The following WDR20 variants were observed in gnomAD, a reference collection of about 807,000 sequenced individuals.
WDR20 encodes the protein WD repeat domain 20.
Under a neutral mutation model 38.7 loss-of-function variants are expected in WDR20, and 3 were observed. The observed-to-expected ratio is 0.08, with a 90% confidence interval of 0.04 to 0.20. The LOEUF (loss-of-function observed/expected upper bound fraction) is 0.20, where lower values mean the gene tolerates loss of function less well. WDR20 is among the 10% of genes least tolerant of loss of function. The pLI, the probability that WDR20 is intolerant of heterozygous loss-of-function variation, is 1.00. For missense variants in WDR20, 559 were observed against 727.7 expected (o/e 0.77, Z 2.67); for synonymous variants, 298 against 285.6 (o/e 1.04, Z -0.44).
intron 1 of WDR20, among the ~76,000 whole-genome samples, chr14:102,163,642 A>AAAAAAT (rs2059212377): frequency 6.6e-6 from 1 of 151,354 alleles, no homozygotes; most frequent in Non-Finnish European, 1.5e-5. Context: ...AAAAAAAAAA[A>AAAAAAT]AAAAAAAATT....
At chr14:102,196,397 A>G (rs2059413125) in intron 2 of WDR20, among the ~76,000 whole-genome samples, 2 of 152,150 alleles carry the variant, frequency 1.3e-5, no homozygotes, top group Non-Finnish European at 2.9e-5. Flanking sequence ...AGTGATTTCT[A>G]AGTAGCTGGA....
chr14:102,194,796 G>C (rs1481086179), intron 1 of WDR20, 142 bp from the exon 2 acceptor site: 2 of 840,866 alleles, frequency 2.4e-6, no homozygotes, highest in Non-Finnish European at 3.7e-6. Flanking sequence ...AATGTTAGAT[G>C]ATGTTAAGTC....
intron 1 of WDR20, among the ~76,000 whole-genome samples, chr14:102,156,604 G>A (rs1040653057): frequency 6.6e-6 from 1 of 151,862 alleles, no homozygotes; most frequent in Non-Finnish European, 1.5e-5. Context: ...GACTTCCTGG[G>A]CTCAAGTGAC....
intron 1 of WDR20, among the ~76,000 whole-genome samples, chr14:102,175,658 A>G (rs2061898053): frequency 6.6e-6 from 1 of 152,190 alleles, no homozygotes; most frequent in African/African-American, 2.4e-5. Context: ...GGTCATTTTC[A>G]CAATACTGAT....
intron 1 of WDR20, among the ~76,000 whole-genome samples, chr14:102,150,946 A>G (rs978797348): frequency 6.6e-6 from 1 of 152,146 alleles, no homozygotes. Context: ...CATTTATTGG[A>G]CCTGTGGATC....
At chr14:102,204,806 G>A (rs150861457) in intron 2 of WDR20, among the ~76,000 whole-genome samples, 18 of 152,350 alleles carry the variant, frequency 1.2e-4, no homozygotes, top group Middle Eastern at 3.4e-3. Context: ...TGAAAAGTGC[G>A]TGTGTGCAAG....
chr14:102,205,224 G>A (rs532692396), intron 2 of WDR20, among the ~76,000 whole-genome samples: 2 of 150,904 alleles, frequency 1.3e-5, no homozygotes, highest in African/African-American at 4.9e-5. Context: ...TTGCACCACT[G>A]CACTCCAACC....
chr14:102,172,706 G>C, intron 1 of WDR20, among the ~76,000 whole-genome samples: 1 of 140,872 alleles, frequency 7.1e-6, no homozygotes, highest in African/African-American at 2.9e-5. Context: ...CTGGCCTGGC[G>C]GGGGCTGACC....
downstream of WDR20, chr14:102,212,940 C>T: frequency 9.6e-7 from 1 of 1,043,052 alleles, no homozygotes; most frequent in Non-Finnish European, 1.2e-6. Flanking sequence ...CATCACTGTT[C>T]CAGCGTGTAC....
At chr14:102,165,825 A>G (rs2059659075) in intron 1 of WDR20, among the ~76,000 whole-genome samples, 3 of 150,920 alleles carry the variant, frequency 2.0e-5, no homozygotes, top group Non-Finnish European at 4.4e-5. Context: ...TTTTTAGTAG[A>G]GACAGGGTTT....
downstream of WDR20, among the ~76,000 whole-genome samples, chr14:102,216,127 C>T (rs886888453): frequency 1.3e-5 from 2 of 152,210 alleles, no homozygotes; most frequent in Non-Finnish European, 2.9e-5. Context: ...AAGCTTCCCA[C>T]GGTGCTGTCT....
chr14:102,222,378 G>GCCACTGAACTCTAT lies in WDR20; in HGVS notation c.1693-449_1693-436dup, dbSNP rs2063996142. Among the ~76,000 whole-genome samples the GCCACTGAACTCTAT allele has an allele frequency of 6.6e-6, 1 of 152,242 alleles. No individual in the cohort carries two copies. The highest frequency in any genetic ancestry group is 2.1e-4 in the South Asian group (1 of 4,834). On this transcript the variant is annotated intron_variant, in intron 3 of 3. Coordinates refer to the WDR20 transcript ENST00000335263. This position sits in a 1 kb window ranked among gnomAD's most constrained non-coding sequence, Gnocchi z 4.4. Reference sequence around the variant, plus strand: ...CAGCAGAGAATGCCCTTTCAAAGGTGCCACTGAACTCTATCCTTGGAGACA... The same window carrying GCCACTGAACTCTAT: ...CAGCAGAGAATGCCCTTTCAAAGGTGCCACTGAACTCTATCCACTGAACTCTATCCTTGGAGACA...
chr14:102,156,345 T>G (rs1291154469), intron 1 of WDR20, among the ~76,000 whole-genome samples: 1 of 151,454 alleles, frequency 6.6e-6, no homozygotes, highest in African/African-American at 2.4e-5. Flanking sequence ...TTTTTTTGTG[T>G]TTTTAGCAGA....
chr14:102,143,704 C>T (rs1030932503), intron 1 of WDR20, among the ~76,000 whole-genome samples: 1 of 151,908 alleles, frequency 6.6e-6, no homozygotes, highest in Admixed American at 6.6e-5. Flanking sequence ...ACCACCACGC[C>T]CAGCTAATTT....
chr14:102,174,093 G>T (rs1000099013), intron 1 of WDR20, among the ~76,000 whole-genome samples: 1 of 151,246 alleles, frequency 6.6e-6, no homozygotes, highest in Non-Finnish European at 1.5e-5. Flanking sequence ...CAGGTTGCTT[G>T]GAATGCCATG....
chr14:102,183,696 C>G (rs1435899123), intron 1 of WDR20, among the ~76,000 whole-genome samples: 1 of 152,204 alleles, frequency 6.6e-6, no homozygotes, highest in African/African-American at 2.4e-5. Flanking sequence ...CTCTGCACAA[C>G]TGGGGACTTA....
chr14:102,205,281 G>T (rs144379940), intron 2 of WDR20, among the ~76,000 whole-genome samples: 2 of 151,970 alleles, frequency 1.3e-5, no homozygotes, highest in African/African-American at 4.8e-5. Context: ...AAAAGATATG[G>T]AATGAGAAAG....
At chr14:102,212,696 G>T, downstream of WDR20, 1 of 1,496,834 alleles carries the variant, frequency 6.7e-7, no homozygotes, top group Non-Finnish European at 8.9e-7. Flanking sequence ...GCCTGGGGAG[G>T]GGTGGCCGCG....
At chr14:102,142,423 A>C (rs1244999916) in intron 1 of WDR20, among the ~76,000 whole-genome samples, 1 of 152,166 alleles carries the variant, frequency 6.6e-6, no homozygotes, top group East Asian at 1.9e-4. Flanking sequence ...GTAGTTACAA[A>C]CATATTTTTG....
Sources: gnomAD v4.1 joint callset for allele counts (sites outside exome capture counted in the v4.1 genomes callset) on GRCh38, gnomAD v4.1.1 for gene constraint, Gnocchi (gnomAD v3.1) non-coding constraint, MANE v1.5 for transcripts, NCBI Gene and HGNC (gene_info 2026-07-23, HGNC 2026-07-21) for gene names.